The following SPAG16 variants were observed in gnomAD, a reference collection of about 807,000 sequenced individuals.
SPAG16 encodes the protein sperm associated antigen 16, also known as sperm-associated antigen 16 protein.
A neutral mutation model predicts 80.4 loss-of-function variants in SPAG16; 86 were observed. That is an observed-to-expected ratio of 1.07 (90% CI 0.90 to 1.28). The LOEUF (loss-of-function observed/expected upper bound fraction) is 1.28, where lower values mean the gene tolerates loss of function less well. Among genes scored for constraint, SPAG16 ranks in the 50% most tolerant of loss-of-function variants. The probability of loss-of-function intolerance (pLI) is 0.00; values close to 1 mark genes in which losing one functional copy is unlikely to be tolerated. For missense variants in SPAG16, 870 were observed against 765.3 expected, an observed-to-expected ratio of 1.14 and a Z score of -1.61; for synonymous variants, 294 against 265.9, an observed-to-expected ratio of 1.11 and a Z score of -1.03.
intron 12 of SPAG16, among the ~76,000 whole-genome samples, chr2:214,010,399 C>T (rs2047226404): frequency 6.8e-6 from 1 of 146,612 alleles, no homozygotes; most frequent in African/African-American, 2.7e-5. Context: ...AAAAAAAAGT[C>T]ACAGGGGAAG....
rs1702232620 is a variant in SPAG16, at chr2:214,410,397, G to C, written c.*82G>C. On this transcript the variant is annotated 3_prime_UTR_variant, in exon 16 of 16. Transcript: ENST00000331683. ...GTAGTCCCAAACCAGCAAAGAACTGGTTAAATGTGCCAGCAGGTAACATTT... is the reference window on the plus strand; with the variant it reads ...GTAGTCCCAAACCAGCAAAGAACTGCTTAAATGTGCCAGCAGGTAACATTT... 7 of 1,326,736 alleles carry C rather than the reference G, an allele frequency of 5.3e-6. No homozygotes were observed. The South Asian group carries it at 8.8e-5, about 17-fold the overall frequency. The allele number at this position is 1,326,736 out of a possible 1,614,324, so 82.2% of individuals were successfully genotyped here.
At chr2:213,561,906 T>C (rs796452910) in intron 10 of SPAG16, among the ~76,000 whole-genome samples, 2 of 152,326 alleles carry the variant, frequency 1.3e-5, no homozygotes, top group African/African-American at 4.8e-5. Context: ...CTTTTTGTTG[T>C]ATTCCTATCT....
intron 13 of SPAG16, among the ~76,000 whole-genome samples, chr2:214,046,222 A>G (rs2049319560): frequency 6.6e-6 from 1 of 152,170 alleles, no homozygotes; most frequent in South Asian, 2.1e-4. Context: ...CTCTCCCAGC[A>G]AAGAAAGTCC....
chr2:213,551,695 G>C (rs1280375062), intron 10 of SPAG16, among the ~76,000 whole-genome samples: 1 of 152,176 alleles, frequency 6.6e-6, no homozygotes, highest in Non-Finnish European at 1.5e-5. Flanking sequence ...GAAGGCATCT[G>C]AGTTGAAGGG....
chr2:213,505,760 C>T (rs1393492957), intron 10 of SPAG16, among the ~76,000 whole-genome samples: 1 of 151,982 alleles, frequency 6.6e-6, no homozygotes, highest in Non-Finnish European at 1.5e-5. Flanking sequence ...ATTTGGATAA[C>T]CATTATCCTT....
At chr2:213,917,348 T>G (rs935530648) in intron 11 of SPAG16, among the ~76,000 whole-genome samples, 2 of 152,240 alleles carry the variant, frequency 1.3e-5, no homozygotes, top group Non-Finnish European at 2.9e-5. Context: ...GCATTGAATC[T>G]ATAAACTGCT....
intron 9 of SPAG16, among the ~76,000 whole-genome samples, chr2:213,408,271 T>C (rs2068776841): frequency 2.0e-5 from 3 of 152,214 alleles, no homozygotes; most frequent in African/African-American, 7.2e-5. Flanking sequence ...CAGAAAGCAC[T>C]GAGGCCACTG....
At chr2:213,307,774 A>G (rs2063012306) in intron 3 of SPAG16, among the ~76,000 whole-genome samples, 1 of 151,946 alleles carries the variant, frequency 6.6e-6, no homozygotes, top group South Asian at 2.1e-4. Context: ...GACTTCCACA[A>G]TGGTTGAAGT....
chr2:214,012,286 A>ATT lies in SPAG16; in HGVS notation c.1401-1664_1401-1663insTT, dbSNP rs1162955315. 2.2e-3 allele frequency among the ~76,000 whole-genome samples: 119 copies of ATT among 54,908 alleles called. 1 individual carries two copies. The highest frequency in any genetic ancestry group is 2.9e-3 in the South Asian group (2 of 688). The allele number at this position is 54,908 out of a possible 152,430, so 36.0% of individuals were successfully genotyped here. A position where few individuals can be genotyped will look rare whatever the true frequency, so the allele number is the denominator to read the frequency against. ...TATATATATATATATATATATATATATATTTTTTTTTTTTTTTTTTTTTCC... is the reference window on the plus strand; with the variant it reads ...TATATATATATATATATATATATATATTTATTTTTTTTTTTTTTTTTTTTTCC... On this transcript the variant is annotated intron_variant, in intron 12 of 15. Coordinates refer to ENST00000331683, the MANE Select transcript of SPAG16 (RefSeq NM_024532.5).
chr2:214,279,631 A>G (rs1692751932), intron 15 of SPAG16, among the ~76,000 whole-genome samples: 1 of 152,206 alleles, frequency 6.6e-6, no homozygotes, highest in Admixed American at 6.5e-5. Context: ...TATTTGCATA[A>G]GGTACTCCTC....
chr2:213,776,827 C>CG (rs1491136148), intron 10 of SPAG16, among the ~76,000 whole-genome samples: 2 of 22,632 alleles, frequency 8.8e-5, no homozygotes, highest in Non-Finnish European at 2.2e-4. Flanking sequence ...TTCTATGCCA[C>CG]CCCCCCCCCA....
intron 8 of SPAG16, 139 bp from the exon 9 acceptor site, chr2:213,374,871 A>G (rs2066808167): frequency 1.7e-6 from 1 of 598,432 alleles, no homozygotes; most frequent in Non-Finnish European, 2.9e-6. Context: ...AGCATTTGGT[A>G]TGGTTTGGGT....
chr2:213,432,880 G>A (rs2070390795), intron 9 of SPAG16, among the ~76,000 whole-genome samples: 1 of 152,178 alleles, frequency 6.6e-6, no homozygotes, highest in East Asian at 1.9e-4. Context: ...ATATCCAAGA[G>A]CACTCCAAAA....
At chr2:214,310,056 GC>G (rs1695177523) in intron 15 of SPAG16, among the ~76,000 whole-genome samples, 1 of 152,030 alleles carries the variant, frequency 6.6e-6, no homozygotes, top group African/African-American at 2.4e-5. Flanking sequence ...AGGATCCATT[GC>G]CATAGAAGTA....
At chr2:214,174,620 A>G (rs1450744346) in intron 15 of SPAG16, among the ~76,000 whole-genome samples, 1 of 151,794 alleles carries the variant, frequency 6.6e-6, no homozygotes, top group Non-Finnish European at 1.5e-5. Context: ...TAATGCAAAA[A>G]TTAATGGCTT....
At chr2:213,727,818 T>G (rs929980248) in intron 10 of SPAG16, among the ~76,000 whole-genome samples, 2 of 152,240 alleles carry the variant, frequency 1.3e-5, no homozygotes, top group African/African-American at 4.8e-5. Context: ...AGGGAGGTGC[T>G]TTAGTCAGAT....
chr2:213,678,608 C>G (rs1230909583), intron 10 of SPAG16, among the ~76,000 whole-genome samples: 1 of 152,146 alleles, frequency 6.6e-6, no homozygotes, highest in Admixed American at 6.6e-5. Context: ...CTTGTTTACT[C>G]TGCAACTCCC....
At chr2:213,945,398 A>C (rs1019387661) in intron 12 of SPAG16, among the ~76,000 whole-genome samples, 1 of 151,682 alleles carries the variant, frequency 6.6e-6, no homozygotes, top group Non-Finnish European at 1.5e-5. Context: ...CCCACAACAG[A>C]CTGTCTGCAA....
At chr2:213,412,045 C>T (rs549006858) in intron 9 of SPAG16, among the ~76,000 whole-genome samples, 2 of 152,114 alleles carry the variant, frequency 1.3e-5, no homozygotes, top group Admixed American at 1.3e-4. Flanking sequence ...CGTGAAGCAA[C>T]CTTTTTCGTT....
Sources: allele counts gnomAD v4.1 joint callset (sites outside exome capture counted in the v4.1 genomes callset), GRCh38; gene constraint gnomAD v4.1.1; transcripts MANE v1.5; gene names NCBI Gene and HGNC (gene_info 2026-07-23, HGNC 2026-07-21).